SORBS3: variants seen among roughly 807,000 people sequenced by gnomAD.
SORBS3 encodes the protein vinexin.
Under a neutral mutation model 98.0 loss-of-function variants are expected in SORBS3, and 69 were observed. That is an observed-to-expected ratio of 0.70 (90% CI 0.58 to 0.86). SORBS3 has a LOEUF of 0.86. Among genes scored for constraint, SORBS3 ranks in the 40% least tolerant of loss-of-function variants. The pLI is 0.00. For synonymous variants in SORBS3, 394 were observed against 355.4 expected (o/e 1.11, Z -1.22); for missense variants, 954 against 908.5 (o/e 1.05, Z -0.64).
chr8:22,547,907 C>T (rs1038155839), upstream of SORBS3, among the ~76,000 whole-genome samples: 5 of 152,144 alleles, frequency 3.3e-5, no homozygotes, highest in Admixed American at 6.5e-5. Flanking sequence ...ATTGGGCAAA[C>T]GGCTGAGTTC....
At chr8:22,558,042 AG>A (rs1840220046) in intron 4 of SORBS3, 86 bp from the exon 5 acceptor site, 1 of 1,279,842 alleles carries the variant, frequency 7.8e-7, no homozygotes, top group Non-Finnish European at 1.1e-6. Context: ...TGGCCAGAGA[AG>A]GGACTCACTA....
chr8:22,572,825 G>A (rs970900992), intron 20 of SORBS3, among the ~76,000 whole-genome samples: 8 of 152,304 alleles, frequency 5.3e-5, no homozygotes, highest in Admixed American at 2.6e-4. Flanking sequence ...GACCTAGCTG[G>A]CTCCTCCAGC....
At chr8:22,562,444 G>T (rs536603977) in intron 7 of SORBS3, among the ~76,000 whole-genome samples, 1 of 152,228 alleles carries the variant, frequency 6.6e-6, no homozygotes, top group South Asian at 2.1e-4. Flanking sequence ...CACAGGCTCC[G>T]CCCGGCTGCT....
At chr8:22,546,538 CCCTGG>C (rs1481700386) in intron 1 of SORBS3, among the ~76,000 whole-genome samples, 2 of 152,248 alleles carry the variant, frequency 1.3e-5, no homozygotes, top group African/African-American at 4.8e-5. Flanking sequence ...CACTCCCCAA[CCCTGG>C]CCTCCTTCTT....
chr8:22,554,429 C>A lies in SORBS3; in HGVS notation c.-55-23C>A. 6.4e-7 allele frequency: 1 copy of A among 1,555,358 alleles called. No homozygotes were observed. On this transcript the variant is annotated intron_variant, in intron 1 of 20. Coordinates refer to ENST00000240123, the MANE Select transcript of SORBS3 (RefSeq NM_005775.5). This position sits in a 1 kb window ranked among gnomAD's most constrained non-coding sequence, Gnocchi z 6.5. ...GGCAGCCTAGCCTAGCAGGGCTTTC[C>A]CTTCCTTCCTCCTTCCCCACAGAGG...
intron 20 of SORBS3, among the ~76,000 whole-genome samples, chr8:22,574,276 T>G (rs1176944051): frequency 6.6e-6 from 1 of 152,144 alleles, no homozygotes; most frequent in Admixed American, 6.5e-5. Context: ...GGGCAATGCA[T>G]TCAGCCTTCC....
At chr8:22,570,865 A>G (rs998737235) in intron 17 of SORBS3, 45 bp from the exon 18 acceptor site, 6 of 1,536,972 alleles carry the variant, frequency 3.9e-6, no homozygotes, top group Non-Finnish European at 5.3e-6. Flanking sequence ...CCGTGGGTCC[A>G]TGGCACCAGG....
intron 20 of SORBS3, among the ~76,000 whole-genome samples, chr8:22,573,691 C>G (rs1055915326): frequency 6.6e-6 from 1 of 152,074 alleles, no homozygotes; most frequent in African/African-American, 2.4e-5. Context: ...GGGACGAGCA[C>G]GGGCTGCCCC....
rs768856645 is a variant in SORBS3, at chr8:22,569,157, G to A, written c.1315G>A (p.Ala439Thr). Residue 439 changes from alanine to threonine, a missense_variant, in exon 17 of 21, where the codon GCA becomes ACA. Transcript: ENST00000240123. ...ACCTTTCTTCATGCAGGTGCTGCCCGCAGATGAGATCCCTAAGCCCATCAA... is the reference window on the plus strand; with the variant it reads ...ACCTTTCTTCATGCAGGTGCTGCCCACAGATGAGATCCCTAAGCCCATCAA... ...FPANYVEVLP[A>T]DEIPKPIKPP... The A allele has an allele frequency of 2.6e-5, 42 of 1,604,644 alleles. No individual in the cohort carries two copies. Among genetic ancestry groups the A allele is most frequent in the African/African-American group, 1.5e-4 (11 of 74,342 alleles).
intron 11 of SORBS3, 28 bp downstream of exon 11, chr8:22,565,382 G>T: frequency 2.6e-6 from 4 of 1,514,520 alleles, no homozygotes; most frequent in Non-Finnish European, 3.6e-6. Context: ...TCACCCGCGG[G>T]GCACGCCGGC....
At chr8:22,571,656 A>G in intron 18 of SORBS3, 62 bp from the exon 19 acceptor site, 1 of 1,315,278 alleles carries the variant, frequency 7.6e-7, no homozygotes, top group Non-Finnish European at 1.1e-6. Flanking sequence ...CTCCTCCCTC[A>G]GGCTTACATG....
upstream of SORBS3, chr8:22,550,132 G>C (rs59525455): frequency 1.6e-3 from 795 of 512,234 alleles, 7 homozygotes; most frequent in African/African-American, 0.015. Flanking sequence ...ACCTGGCGTG[G>C]ATAAGAAGGT....
chr8:22,559,340 A>G (rs546382464), intron 5 of SORBS3, among the ~76,000 whole-genome samples: 2 of 152,264 alleles, frequency 1.3e-5, no homozygotes, highest in African/African-American at 4.8e-5. Context: ...AGAGTCAAGG[A>G]TGGTTTTAAA....
Position 22,564,011 on chromosome 8 carries a change from G to A in SORBS3, c.609G>A (p.Glu203=). The stretch of plus-strand genomic sequence containing the variant: ...GAAGAAGCTGGGACCACTCTGAAGA[G>A]TTACCTAGAAGCACCTTCAACTACA... ...SSGRSWDHSE[E]LPRSTFNYRP... The change falls in exon 8 of 21, where the codon GAG becomes GAA. Residue 203 remains glutamate (E), a synonymous_variant. Transcript: ENST00000240123. 1 of 1,613,992 alleles carries A rather than the reference G, an allele frequency of 6.2e-7. No individual in the cohort carries two copies. The highest frequency in any genetic ancestry group is 1.3e-5 in the African/African-American group (1 of 75,042).
At chr8:22,556,527 G>T (rs1840185259) in intron 3 of SORBS3, among the ~76,000 whole-genome samples, 188 bp from the exon 4 acceptor site, 1 of 152,216 alleles carries the variant, frequency 6.6e-6, no homozygotes, top group Non-Finnish European at 1.5e-5. Context: ...GCATTCTCAA[G>T]ATCAAATCCA....
intron 5 of SORBS3, 50 bp downstream of exon 5, chr8:22,558,242 C>T (rs777163690): frequency 3.8e-5 from 60 of 1,564,662 alleles, no homozygotes; most frequent in Non-Finnish European, 5.0e-5. Flanking sequence ...ATTCTGGCCC[C>T]TGGGGCTTGG....
upstream of SORBS3, among the ~76,000 whole-genome samples, chr8:22,548,978 A>AG (rs1840045163): frequency 6.6e-6 from 1 of 152,146 alleles, no homozygotes. Context: ...CCTCCCCTGC[A>AG]GGGGGGTGGG....
intron 17 of SORBS3, among the ~76,000 whole-genome samples, chr8:22,570,395 G>A (rs562479478): frequency 3.9e-5 from 6 of 152,316 alleles, no homozygotes; most frequent in South Asian, 2.1e-4. Flanking sequence ...GTCCCCCAGC[G>A]TGAGGCAGGA....
chr8:22,556,158 A>G (rs997411222), intron 3 of SORBS3, among the ~76,000 whole-genome samples: 4 of 152,196 alleles, frequency 2.6e-5, no homozygotes, highest in African/African-American at 9.7e-5. Context: ...AGTCACAACC[A>G]TGTCTGGGGA....
Sources: allele counts gnomAD v4.1 joint callset (sites outside exome capture counted in the v4.1 genomes callset), GRCh38; gene constraint gnomAD v4.1.1; non-coding constraint Gnocchi (gnomAD v3.1); transcripts MANE v1.5; gene names NCBI Gene and HGNC (gene_info 2026-07-23, HGNC 2026-07-21).